CSMD3: variants seen among roughly 807,000 people sequenced by gnomAD.
CSMD3 encodes the protein CUB and sushi domain-containing protein 3.
In CSMD3, 177 loss-of-function variants were observed where a neutral mutation model predicts 435.2. The ratio of observed to expected loss-of-function variants is 0.41; its 90% CI spans 0.36 to 0.46. CSMD3 has a LOEUF of 0.46. Among genes scored for constraint, CSMD3 ranks in the 20% least tolerant of loss-of-function variants. CSMD3 has a pLI of 0.34. For synonymous variants in CSMD3, 1,656 were observed against 1,520.5 expected, an observed-to-expected ratio of 1.09 and a Z score of -2.07; for missense variants, 4,265 against 4,504.6, an observed-to-expected ratio of 0.95 and a Z score of 1.52.
chr8:112,831,708 G>C (rs960869910), intron 11 of CSMD3, among the ~76,000 whole-genome samples: 7 of 151,878 alleles, frequency 4.6e-5, no homozygotes, highest in Non-Finnish European at 1.0e-4. Context: ...GTTATCATTT[G>C]CAAGAATTCT....
At chr8:113,251,030 C>T (rs1312148597) in intron 3 of CSMD3, among the ~76,000 whole-genome samples, 3 of 151,850 alleles carry the variant, frequency 2.0e-5, no homozygotes, top group South Asian at 4.1e-4. Flanking sequence ...AAAATGAGTA[C>T]ATGAAGAGTA....
chr8:112,834,095 T>C (rs2079955321), intron 11 of CSMD3, among the ~76,000 whole-genome samples: 1 of 151,952 alleles, frequency 6.6e-6, no homozygotes, highest in Non-Finnish European at 1.5e-5. Flanking sequence ...GATTTTATTT[T>C]GCCTAAATTG....
chr8:112,255,142 C>T (rs1222671850), intron 62 of CSMD3, 112 bp downstream of exon 62: 7 of 837,730 alleles, frequency 8.4e-6, no homozygotes, highest in African/African-American at 1.7e-5. Flanking sequence ...CTATATTTTA[C>T]ACTTGTTTTT....
rs575163065 is a variant in CSMD3 at position 113,136,968 on chromosome 8, G to A, written c.709+36754C>T. Among the ~76,000 whole-genome samples, 4 of 151,800 alleles carry A rather than the reference G, an allele frequency of 2.6e-5. No individual in the cohort carries two copies. In the South Asian group the frequency reaches 8.3e-4, roughly 31 times the overall value. On this transcript the variant is annotated intron_variant, in intron 4 of 70. Coordinates refer to ENST00000297405, the MANE Select transcript of CSMD3 (RefSeq NM_198123.2). Reference sequence around the variant, plus strand: ...ATAAAACAGAGAGTAAATTTACACAGAAATAAATTTGTGTATAGATATTGA... The same window carrying A: ...ATAAAACAGAGAGTAAATTTACACAAAAATAAATTTGTGTATAGATATTGA...
intron 38 of CSMD3, among the ~76,000 whole-genome samples, chr8:112,377,464 A>G (rs1022858963): frequency 2.6e-5 from 4 of 152,140 alleles, no homozygotes; most frequent in Admixed American, 6.6e-5. Context: ...TTCAAAAAAA[A>G]TTGAAGAGGG....
chr8:113,402,977 C>A (rs994572593), intron 1 of CSMD3, among the ~76,000 whole-genome samples: 1 of 151,126 alleles, frequency 6.6e-6, no homozygotes, highest in Admixed American at 6.6e-5. Flanking sequence ...GGCTTCAAGA[C>A]AGAATAGAGT....
chr8:112,256,901 T>C (rs2130301050), intron 61 of CSMD3, among the ~76,000 whole-genome samples: 1 of 152,192 alleles, frequency 6.6e-6, no homozygotes, highest in South Asian at 2.1e-4. Flanking sequence ...ATCCTAAATG[T>C]ACAAGAGATC....
chr8:112,950,706 G>C (rs1458166617), intron 8 of CSMD3, among the ~76,000 whole-genome samples: 1 of 151,858 alleles, frequency 6.6e-6, no homozygotes, highest in African/African-American at 2.4e-5. Flanking sequence ...GTTAAGAAAT[G>C]TGTCCAAAGT....
chr8:112,491,262 T>TCAAA (rs146224352), intron 31 of CSMD3, among the ~76,000 whole-genome samples: 2,637 of 152,284 alleles, frequency 0.017, 78 homozygotes, highest in African/African-American at 0.06. Context: ...ATAGACCAAT[T>TCAAA]CAAACACTTG....
chr8:113,134,874 G>A (rs1361175621), intron 4 of CSMD3, among the ~76,000 whole-genome samples: 1 of 151,970 alleles, frequency 6.6e-6, no homozygotes, highest in Non-Finnish European at 1.5e-5. Context: ...AAGGCCCCGT[G>A]CTGCATTAAG....
At chr8:112,241,848 A>C in intron 65 of CSMD3, 63 bp from the exon 66 acceptor site, 6 of 834,098 alleles carry the variant, frequency 7.2e-6, no homozygotes, top group Non-Finnish European at 1.3e-5. Flanking sequence ...ACATGCGCAC[A>C]CACACACACG....
chr8:112,815,930 T>G (rs1378838763), intron 12 of CSMD3, among the ~76,000 whole-genome samples: 1 of 152,108 alleles, frequency 6.6e-6, no homozygotes, highest in Non-Finnish European at 1.5e-5. Context: ...AGCATATATT[T>G]ATTATTGCCC....
At chr8:113,071,673 T>C (rs1166486333) in intron 5 of CSMD3, among the ~76,000 whole-genome samples, 1 of 151,830 alleles carries the variant, frequency 6.6e-6, no homozygotes, top group Non-Finnish European at 1.5e-5. Flanking sequence ...ATTGTCTGTT[T>C]TTATGGTAGT....
Position 112,477,664 on chromosome 8 carries a change from C to G in CSMD3, c.5279-4957G>C, listed in dbSNP as rs1404226558. 2.0e-5 allele frequency among the ~76,000 whole-genome samples: 3 copies of G among 152,238 alleles called. No homozygotes were observed. In the East Asian group the frequency reaches 5.8e-4, roughly 30 times the overall value. ...TGTAACATACCTGCTCCCGCTTTGC[C>G]TTCTGCAAGGATTGCAAGCTTTCTG... On this transcript the variant is annotated intron_variant, in intron 31 of 70. Transcript: ENST00000297405.
In CSMD3 at chr8:112,499,495, T is replaced by A. The variant is rs1821719342; in HGVS notation, c.5083+4295A>T. ...ACTTGCACTCATTAGATGATACAAA[T>A]TTCTCTCCTAGTACACAAGGAACAT... On this transcript the variant is annotated intron_variant, in intron 30 of 70. Coordinates refer to ENST00000297405, the MANE Select transcript of CSMD3 (RefSeq NM_198123.2). Among the ~76,000 whole-genome samples the A allele has an allele frequency of 4.6e-5, 7 of 152,136 alleles. No homozygotes were observed. The South Asian group carries it at 1.5e-3, about 32-fold the overall frequency.
intron 43 of CSMD3, 106 bp downstream of exon 43, chr8:112,337,437 T>A: frequency 1.2e-6 from 1 of 851,274 alleles, no homozygotes; most frequent in Non-Finnish European, 2.0e-6. Context: ...GCTGAGAGAC[T>A]ATATATTTAG....
chr8:112,814,421 T>C (rs2132403553), intron 12 of CSMD3, among the ~76,000 whole-genome samples: 1 of 152,240 alleles, frequency 6.6e-6, no homozygotes, highest in East Asian at 1.9e-4. Context: ...AGTGGGTCAG[T>C]CTTATCTTTA....
intron 5 of CSMD3, among the ~76,000 whole-genome samples, chr8:113,088,536 A>T (rs1314472676): frequency 6.6e-6 from 1 of 151,778 alleles, no homozygotes. Context: ...AGCCATAAAA[A>T]AGGATAAGTT....
intron 32 of CSMD3, among the ~76,000 whole-genome samples, chr8:112,435,338 G>C (rs1270990585): frequency 6.6e-6 from 1 of 152,024 alleles, no homozygotes; most frequent in Non-Finnish European, 1.5e-5. Flanking sequence ...GAACAACTCT[G>C]TGTGGCAGGT....
Sources: allele counts gnomAD v4.1 joint callset (sites outside exome capture counted in the v4.1 genomes callset), GRCh38; gene constraint gnomAD v4.1.1; transcripts MANE v1.5; gene names NCBI Gene and HGNC (gene_info 2026-07-23, HGNC 2026-07-21).